NOTCH2: variants seen among roughly 807,000 people sequenced by gnomAD.
NOTCH2 encodes the protein neurogenic locus notch homolog protein 2.
A neutral mutation model predicts 235.8 loss-of-function variants in NOTCH2; 29 were observed. The ratio of observed to expected loss-of-function variants is 0.12; its 90% CI spans 0.09 to 0.17. The LOEUF is 0.17. Among genes scored for constraint, NOTCH2 ranks in the 10% least tolerant of loss-of-function variants. The pLI is 1.00. For synonymous variants in NOTCH2, 1,086 were observed against 1,141.5 expected, an observed-to-expected ratio of 0.95 and a Z score of 0.98; for missense variants, 2,285 against 3,150.2, an observed-to-expected ratio of 0.73 and a Z score of 6.57.
intron 17 of NOTCH2, 72 bp downstream of exon 17, chr1:119,948,342 C>T: frequency 6.4e-7 from 1 of 1,574,426 alleles, no homozygotes. Context: ...CGGCAGCCTC[C>T]ACTGGGCTCT....
intron 3 of NOTCH2, 113 bp downstream of exon 3, chr1:120,005,216 A>T: frequency 2.5e-6 from 3 of 1,186,222 alleles, no homozygotes; most frequent in Non-Finnish European, 3.8e-6. Flanking sequence ...CATAATGTTA[A>T]ATGTGCACCA....
chr1:119,918,270 T>C (rs1031078360), intron 32 of NOTCH2, 136 bp downstream of exon 32: 3 of 992,002 alleles, frequency 3.0e-6, no homozygotes, highest in Non-Finnish European at 4.7e-6. Flanking sequence ...GTTAAATAAA[T>C]GCATGAATGA....
chr1:120,039,434 A>G, intron 1 of NOTCH2, among the ~76,000 whole-genome samples: 1 of 137,292 alleles, frequency 7.3e-6, no homozygotes, highest in Non-Finnish European at 1.5e-5. Flanking sequence ...TTTGAGATGG[A>G]GTCTCGCTCT....
intron 5 of NOTCH2, among the ~76,000 whole-genome samples, chr1:119,977,965 T>C (rs1651656027): frequency 6.6e-6 from 1 of 152,170 alleles, no homozygotes; most frequent in Admixed American, 6.5e-5. Flanking sequence ...GGCTTCTGCC[T>C]GCAGAACTTA....
At chr1:119,957,606 A>T (rs782248450) in intron 12 of NOTCH2, among the ~76,000 whole-genome samples, 1 of 152,128 alleles carries the variant, frequency 6.6e-6, no homozygotes, top group South Asian at 2.1e-4. Flanking sequence ...TAAAAAAATC[A>T]TCTCAGACAT....
At chr1:119,932,225 T>C (rs1327298192) in intron 22 of NOTCH2, among the ~76,000 whole-genome samples, 1 of 152,110 alleles carries the variant, frequency 6.6e-6, no homozygotes, top group Admixed American at 6.5e-5. Context: ...AACTGAAATA[T>C]CTATCATGAT....
chr1:119,952,994 G>C (rs1461869753), intron 14 of NOTCH2, among the ~76,000 whole-genome samples: 2 of 152,130 alleles, frequency 1.3e-5, no homozygotes, highest in Non-Finnish European at 2.9e-5. Flanking sequence ...TGTAAAACTG[G>C]AGTCTTAACT....
chr1:119,937,609 T>A lies in NOTCH2; in HGVS notation c.3338-143A>T, dbSNP rs187798820. On this transcript the variant is annotated intron_variant, in intron 20 of 33. Coordinates refer to ENST00000256646, the MANE Select transcript of NOTCH2 (RefSeq NM_024408.4). ...GTTCTTCACAACCCTCAGTACCAGA[T>A]GCATATTAAAAATAAACCCTGAAAG... The A allele has an allele frequency of 3.5e-6, 3 of 846,218 alleles. No individual in the cohort carries two copies. The African/African-American group carries it at 5.0e-5, about 14-fold the overall frequency. 52.4% of individuals were successfully genotyped at this position (846,218 alleles called of 1,614,324 possible).
Position 120,029,128 on chromosome 1 carries a change from A to G in NOTCH2, c.155+778T>C, listed in dbSNP as rs1201649099. Among the ~76,000 whole-genome samples, 45 of 149,238 alleles carry G rather than the reference A, an allele frequency of 3.0e-4. 1 individual carries two copies. Among genetic ancestry groups the G allele is most frequent in the Admixed American group, 1.3e-4 (2 of 15,034 alleles). On this transcript the variant is annotated intron_variant, in intron 2 of 33. Transcript: ENST00000256646. ...CCCTGCTCCCCCTCAATCTACACAC[A>G]TGCACACATCTTCCTCTCTCACTGT...
intron 19 of NOTCH2, among the ~76,000 whole-genome samples, chr1:119,940,346 T>C (rs587656834): frequency 6.6e-6 from 1 of 152,350 alleles, no homozygotes; most frequent in South Asian, 2.1e-4. Flanking sequence ...TTAGCCTCTT[T>C]TCAAGATCTT....
At chr1:119,980,417 A>C (rs1377051832) in intron 5 of NOTCH2, among the ~76,000 whole-genome samples, 1 of 152,094 alleles carries the variant, frequency 6.6e-6, no homozygotes, top group Non-Finnish European at 1.5e-5. Context: ...GAGATGAATA[A>C]AGTTTCTGTC....
chr1:120,046,171 G>GA (rs1160851053), intron 1 of NOTCH2, among the ~76,000 whole-genome samples: 2 of 136,104 alleles, frequency 1.5e-5, no homozygotes, highest in African/African-American at 5.8e-5. Flanking sequence ...CAGTATGCCA[G>GA]AAAAATGCAA....
rs1220089886 is a variant in NOTCH2 at position 120,041,071 on chromosome 1, AAT to A, written c.74-11086_74-11085del. Among the ~76,000 whole-genome samples the A allele has an allele frequency of 5.2e-3, 400 of 77,324 alleles. 9 individuals are homozygous for A. The highest frequency in any genetic ancestry group is 0.038 in the East Asian group (118 of 3,068). 50.7% of individuals were successfully genotyped at this position (77,324 alleles called of 152,430 possible). A position where few individuals can be genotyped will look rare whatever the true frequency, so the allele number is the denominator to read the frequency against. On this transcript the variant is annotated intron_variant, in intron 1 of 33. Transcript: ENST00000256646. ...AAAAAAAAAAAAAAAAAAAAAAAAAAATATATATATATATATATATTCCTGAA... is the reference window on the plus strand; with the variant it reads ...AAAAAAAAAAAAAAAAAAAAAAAAAAATATATATATATATATATTCCTGAA...
At chr1:119,936,319 A>G (rs1269195953) in intron 21 of NOTCH2, among the ~76,000 whole-genome samples, 1 of 152,196 alleles carries the variant, frequency 6.6e-6, no homozygotes, top group African/African-American at 2.4e-5. Context: ...ATGTCACTCA[A>G]CAGCCAGTGG....
chr1:119,939,979 C>A lies in NOTCH2; in HGVS notation c.3183+576G>T, dbSNP rs150671278. On this transcript the variant is annotated intron_variant, in intron 19 of 33. Transcript: ENST00000256646. ...AAACACAGGGCTGTTTGGTATGCAA[C>A]TTTGGAAAAGTTACTTTGCCCCTCT... 6.0e-3 allele frequency among the ~76,000 whole-genome samples: 907 copies of A among 152,336 alleles called. 8 individuals are homozygous for A. The highest frequency in any genetic ancestry group is 0.021 in the African/African-American group (882 of 41,564).
chr1:119,926,597 T>G lies in NOTCH2; in HGVS notation c.3907A>C (p.Thr1303Pro), dbSNP rs1316367409. 3.1e-6 allele frequency: 5 copies of G among 1,607,630 alleles called. No homozygotes were observed. Among genetic ancestry groups the G allele is most frequent in the Non-Finnish European group, 4.3e-6 (5 of 1,176,444 alleles). Residue 1303 changes from threonine to proline, a missense_variant, in exon 24 of 34, where the codon ACC becomes CCC. Thr to Pro is a conservative substitution (Grantham distance 38). Around this residue, in one of 6 missense-constraint regions of NOTCH2, gnomAD observed 1,173 missense variants for 1,515.3 expected, o/e 0.77. Transcript: ENST00000256646. ...RSAFTGRHCETFVDVCPQMPC... is the reference protein window; with the variant it reads ...RSAFTGRHCEPFVDVCPQMPC... ...ATCTGGGGACACACATCGACGAAGG[T>G]TTCACAGTGCCGGCCTCAGAAAATA...
chr1:119,994,640 T>C (rs1247686638), intron 4 of NOTCH2: 5 of 118,994 alleles, frequency 4.2e-5, no homozygotes, highest in Non-Finnish European at 8.4e-5. Context: ...AACATGAACA[T>C]ATATTTTTAA....
chr1:119,987,519 C>T (rs782060707), intron 4 of NOTCH2, among the ~76,000 whole-genome samples: 3 of 151,948 alleles, frequency 2.0e-5, no homozygotes, highest in African/African-American at 4.8e-5. Flanking sequence ...GATTGCTAGG[C>T]GGCCTCCAAG....
chr1:119,914,553 A>G lies in NOTCH2; in HGVS notation c.*753T>C. 4.3e-6 allele frequency: 1 copy of G among 233,704 alleles called. No individual in the cohort carries two copies. Among genetic ancestry groups the G allele is most frequent in the Non-Finnish European group, 8.4e-6 (1 of 118,398 alleles). 14.5% of individuals were successfully genotyped at this position (233,704 alleles called of 1,614,324 possible). A position where few individuals can be genotyped will look rare whatever the true frequency, so the allele number is the denominator to read the frequency against. On this transcript the variant is annotated 3_prime_UTR_variant, in exon 34 of 34. Coordinates refer to ENST00000256646, the MANE Select transcript of NOTCH2 (RefSeq NM_024408.4). ...CTTGAAGGGATCTCCTGCCCCCAAA[A>G]TTTGTTGAAGAAAAGTATTCTTCTC... is the stretch of plus-strand genomic sequence containing the variant.
Sources: gnomAD v4.1 joint callset for allele counts (sites outside exome capture counted in the v4.1 genomes callset) on GRCh38, gnomAD v4.1.1 for gene constraint, gnomAD v4.1.1 regional missense constraint, MANE v1.5 for transcripts, NCBI Gene and HGNC (gene_info 2026-07-23, HGNC 2026-07-21) for gene names.